Variants in PRUNE2 observed in about 807,000 individuals in gnomAD.
PRUNE2 encodes the protein prune homolog 2 with BCH domain, also known as protein prune homolog 2.
Under a neutral mutation model 252.0 loss-of-function variants are expected in PRUNE2, and 164 were observed. That is an observed-to-expected ratio of 0.65 (90% CI 0.57 to 0.74). PRUNE2 has a LOEUF of 0.74. Among genes scored for constraint, PRUNE2 ranks in the 30% least tolerant of loss-of-function variants. The pLI is 0.00. For missense variants in PRUNE2, 3,495 were observed against 3,711.0 expected, an observed-to-expected ratio of 0.94 and a Z score of 1.51; for synonymous variants, 1,292 against 1,350.2, an observed-to-expected ratio of 0.96 and a Z score of 0.94.
chr9:76,713,354 T>C (rs1301968250), intron 7 of PRUNE2, among the ~76,000 whole-genome samples: 1 of 152,182 alleles, frequency 6.6e-6, no homozygotes, highest in Non-Finnish European at 1.5e-5. Context: ...CACTATGGAT[T>C]CAGTCAAGAA....
intron 6 of PRUNE2, among the ~76,000 whole-genome samples, chr9:76,794,017 C>T (rs193149961): frequency 1.6e-3 from 247 of 152,248 alleles, no homozygotes; most frequent in African/African-American, 5.7e-3. Flanking sequence ...CTTAACAATG[C>T]TTTGCTTTGT....
rs2046330776 is a variant in PRUNE2 at position 76,706,589 on chromosome 9, A to G, written c.5685T>C (p.Phe1895=). The change falls in exon 8 of 19, where the codon TTT becomes TTC. Residue 1895 remains phenylalanine, a synonymous_variant. Transcript: ENST00000376718. Reference sequence around the variant, plus strand: ...GGGAGTTCTTCCCATTACCTTCCAGAAAGGGTGACTGATGGTTGTCACTAA... The same window carrying G: ...GGGAGTTCTTCCCATTACCTTCCAGGAAGGGTGACTGATGGTTGTCACTAA... ...NPFSDNHQSP[F]LEGNGKNSHE... 6.2e-7 allele frequency: 1 copy of G among 1,613,818 alleles called. No individual in the cohort carries two copies. The highest frequency in any genetic ancestry group is 1.7e-5 in the Admixed American group (1 of 59,988).
intron 2 of PRUNE2, among the ~76,000 whole-genome samples, chr9:76,851,313 C>T (rs987202161): frequency 3.9e-5 from 6 of 152,066 alleles, no homozygotes; most frequent in African/African-American, 1.2e-4. Context: ...TTTGGGAGGC[C>T]AAGGCGGGCA....
At position 76,703,874 on chromosome 9, in the gene PRUNE2, C is replaced by G; in HGVS notation, c.7739G>C (p.Gly2580Ala). The change falls in exon 9 of 19, where the codon GGT becomes GCT. Residue 2580 changes from glycine to alanine, a missense_variant. By Grantham distance (60) the Gly-to-Ala change is moderately conservative. Coordinates refer to ENST00000376718, the MANE Select transcript of PRUNE2 (RefSeq NM_015225.3). ...TCCCTGCAGCCCTGTTTCTTTGGAA[C>G]CTACATACAATTCTAATTCAGCTAT... ...ESIAELELYVGSKETGLQGTQ... is the reference protein window; with the variant it reads ...ESIAELELYVASKETGLQGTQ... 1 of 1,613,894 alleles carries G rather than the reference C, an allele frequency of 6.2e-7. No homozygotes were observed. The highest frequency in any genetic ancestry group is 8.5e-7 in the Non-Finnish European group (1 of 1,179,854).
At chr9:76,877,196 C>T (rs956626841) in intron 1 of PRUNE2, among the ~76,000 whole-genome samples, 1 of 149,516 alleles carries the variant, frequency 6.7e-6, no homozygotes. Context: ...AGGACCTATA[C>T]ATTTTTCATT....
At chr9:76,731,024 A>G (rs1287777379) in intron 6 of PRUNE2, among the ~76,000 whole-genome samples, 1 of 152,188 alleles carries the variant, frequency 6.6e-6, no homozygotes, top group Non-Finnish European at 1.5e-5. Flanking sequence ...AGAATGCAGG[A>G]TCTCAATATG....
intron 12 of PRUNE2, among the ~76,000 whole-genome samples, chr9:76,638,971 T>C (rs533051609): frequency 1.3e-5 from 2 of 152,314 alleles, no homozygotes; most frequent in South Asian, 2.1e-4. Flanking sequence ...CCAATGGGTA[T>C]GTAGAGTTCT....
intron 14 of PRUNE2, 94 bp downstream of exon 14, chr9:76,637,324 G>A (rs762772474): frequency 2.0e-5 from 24 of 1,191,566 alleles, no homozygotes; most frequent in Non-Finnish European, 2.7e-5. Flanking sequence ...GTTTCTTCTT[G>A]TGTATAATGA....
At chr9:76,870,303 A>G (rs1258028055) in intron 1 of PRUNE2, among the ~76,000 whole-genome samples, 1 of 151,728 alleles carries the variant, frequency 6.6e-6, no homozygotes, top group African/African-American at 2.4e-5. Flanking sequence ...ACAAGGAGTA[A>G]CTTTTTAATA....
intron 9 of PRUNE2, among the ~76,000 whole-genome samples, chr9:76,667,876 A>C (rs2040502597): frequency 6.6e-6 from 1 of 152,196 alleles, no homozygotes; most frequent in South Asian, 2.1e-4. Flanking sequence ...TATAGACAAT[A>C]TGTAAATGCA....
intron 17 of PRUNE2, among the ~76,000 whole-genome samples, chr9:76,622,504 C>T (rs532855429): frequency 2.0e-5 from 3 of 152,170 alleles, no homozygotes; most frequent in Non-Finnish European, 4.4e-5. Flanking sequence ...GATGTTCTTT[C>T]CCCCATCTTT....
intron 1 of PRUNE2, among the ~76,000 whole-genome samples, chr9:76,897,387 C>T (rs1317049533): frequency 8.4e-6 from 1 of 118,738 alleles, no homozygotes. Context: ...CTTAGGCAAA[C>T]CTCTTTTTTT....
At chr9:76,739,234 AAATGCT>A (rs1445817649) in intron 6 of PRUNE2, 1 of 152,198 alleles carries the variant, frequency 6.6e-6, no homozygotes, top group Non-Finnish European at 1.5e-5. Context: ...ATGTAAAAAT[AAATGCT>A]AGAGTGCAGG....
At chr9:76,668,323 C>A (rs2040598615) in intron 9 of PRUNE2, among the ~76,000 whole-genome samples, 1 of 152,214 alleles carries the variant, frequency 6.6e-6, no homozygotes, top group African/African-American at 2.4e-5. Context: ...TTAAAAATTT[C>A]TCAGATCTCT....
chr9:76,752,380 A>C (rs1253400931), intron 6 of PRUNE2, among the ~76,000 whole-genome samples: 1 of 152,272 alleles, frequency 6.6e-6, no homozygotes, highest in East Asian at 1.9e-4. Flanking sequence ...TACAGGCGTG[A>C]GCCACCGCGC....
At chr9:76,766,127 G>A (rs1564249965) in intron 6 of PRUNE2, among the ~76,000 whole-genome samples, 3 of 149,660 alleles carry the variant, frequency 2.0e-5, no homozygotes, top group Admixed American at 1.3e-4. Context: ...AGGTTGCAGT[G>A]AGCCAAGATT....
intron 6 of PRUNE2, among the ~76,000 whole-genome samples, chr9:76,740,761 C>A (rs536116747): frequency 3.9e-5 from 6 of 152,200 alleles, no homozygotes; most frequent in African/African-American, 1.4e-4. Flanking sequence ...AGCTAGTGAT[C>A]GAGGTAGATA....
At position 76,693,608 on chromosome 9, in the gene PRUNE2, T is replaced by C. The variant is rs1208582944; in HGVS notation, c.8276+9729A>G. On this transcript the variant is annotated intron_variant, in intron 9 of 18. Transcript: ENST00000376718. ...ACAGGCGTGCACCACCACGCCCAGC[T>C]AATTTTTGTATTTTTAGTGGAGACG... Among the ~76,000 whole-genome samples the C allele has an allele frequency of 2.8e-4, 43 of 151,950 alleles. 1 individual carries two copies. The highest frequency in any genetic ancestry group is 2.8e-3 in the Admixed American group (43 of 15,256).
intron 6 of PRUNE2, among the ~76,000 whole-genome samples, chr9:76,746,746 A>C (rs1193632188): frequency 1.4e-5 from 2 of 141,848 alleles, no homozygotes; most frequent in Non-Finnish European, 3.1e-5. Context: ...AAAAAACCCC[A>C]AAGAGCAGGA....
Sources: gnomAD v4.1 joint callset for allele counts (sites outside exome capture counted in the v4.1 genomes callset) on GRCh38, gnomAD v4.1.1 for gene constraint, MANE v1.5 for transcripts, NCBI Gene and HGNC (gene_info 2026-07-23, HGNC 2026-07-21) for gene names.